MATCAP2: variants seen among roughly 807,000 people sequenced by gnomAD.
MATCAP2 encodes the protein putative tyrosine carboxypeptidase MATCAP2.
chr7:36,367,502 G>C, the MATCAP2 span, among the ~76,000 whole-genome samples: 1 of 152,168 alleles, frequency 6.6e-6, no homozygotes, highest in Admixed American at 6.5e-5. Context: ...GGTGCGCTGT[G>C]ACACTCGGCC....
the MATCAP2 span, chr7:36,356,841 G>A: frequency 7.5e-7 from 1 of 1,334,312 alleles, no homozygotes; most frequent in African/African-American, 1.4e-5. Context: ...TTGCTTATAA[G>A]ATCACAGATA....
At chr7:36,356,865 A>G in the MATCAP2 span, 4 of 1,500,618 alleles carry the variant, frequency 2.7e-6, no homozygotes, top group East Asian at 4.5e-5. Context: ...GTTTTAGTAC[A>G]TAAAAATGAA....
chr7:36,356,998 A>G, the MATCAP2 span: 1 of 1,614,162 alleles, frequency 6.2e-7, no homozygotes, highest in Non-Finnish European at 8.5e-7. Flanking sequence ...AGGTATAGTC[A>G]GATTTGAAGA....
At chr7:36,359,763 C>T in the MATCAP2 span, among the ~76,000 whole-genome samples, 1 of 152,168 alleles carries the variant, frequency 6.6e-6, no homozygotes, top group Non-Finnish European at 1.5e-5. Flanking sequence ...CATAGACTTA[C>T]GTGTTGCCAA....
the MATCAP2 span, chr7:36,335,165 A>G: frequency 6.2e-7 from 1 of 1,614,008 alleles, no homozygotes; most frequent in Non-Finnish European, 8.5e-7. Flanking sequence ...GTCCTCAGTG[A>G]GATGAACTAC....
chr7:36,349,811 T>C, the MATCAP2 span, among the ~76,000 whole-genome samples: 2 of 152,220 alleles, frequency 1.3e-5, no homozygotes, highest in Non-Finnish European at 2.9e-5. Flanking sequence ...CAACAAAGCC[T>C]TTCAATGAGT....
chr7:36,336,675 C>T, the MATCAP2 span, among the ~76,000 whole-genome samples: 11 of 151,560 alleles, frequency 7.3e-5, no homozygotes, highest in African/African-American at 9.7e-5. Flanking sequence ...TATGTCTCCA[C>T]GCAAGTAAAT....
chr7:36,352,396 TA>T, the MATCAP2 span, among the ~76,000 whole-genome samples: 15,048 of 106,086 alleles, frequency 0.14, 826 homozygotes, highest in East Asian at 0.2. Context: ...GACTCCATCT[TA>T]AAAAAAAAAA....
the MATCAP2 span, chr7:36,366,991 C>T: frequency 7.5e-7 from 1 of 1,324,810 alleles, no homozygotes; most frequent in Non-Finnish European, 9.6e-7. Flanking sequence ...GGGGAAAGGG[C>T]CGCGCAGGGG....
the MATCAP2 span, among the ~76,000 whole-genome samples, chr7:36,344,889 A>T: frequency 2.6e-5 from 4 of 152,192 alleles, no homozygotes; most frequent in Non-Finnish European, 4.4e-5. Context: ...CAACTCTAAG[A>T]ATAGCGACAT....
At chr7:36,361,277 G>T in the MATCAP2 span, among the ~76,000 whole-genome samples, 1 of 152,124 alleles carries the variant, frequency 6.6e-6, no homozygotes, top group Non-Finnish European at 1.5e-5. Context: ...TAAAAGAATG[G>T]GGGAAAAGGG....
the MATCAP2 span, among the ~76,000 whole-genome samples, chr7:36,338,358 C>T: frequency 9.2e-5 from 14 of 152,014 alleles, no homozygotes; most frequent in South Asian, 8.3e-4. Flanking sequence ...AGCACAGTAG[C>T]GCGATCATGG....
At chr7:36,367,301 T>A in the MATCAP2 span, 16 of 1,012,692 alleles carry the variant, frequency 1.6e-5, no homozygotes, top group Middle Eastern at 4.7e-4. Flanking sequence ...GGGGCGCTCG[T>A]GCGACGAAGG....
the MATCAP2 span, among the ~76,000 whole-genome samples, chr7:36,375,992 A>G: frequency 6.6e-6 from 1 of 151,866 alleles, no homozygotes; most frequent in East Asian, 1.9e-4. Flanking sequence ...CTTCTTTATT[A>G]GTCTTGCTAG....
the MATCAP2 span, among the ~76,000 whole-genome samples, chr7:36,366,472 T>A: frequency 5.8e-3 from 882 of 152,332 alleles, 2 homozygotes; most frequent in Non-Finnish European, 8.6e-3. Context: ...TCTCACTGTT[T>A]AAGAATAAAA....
At chr7:36,331,361 T>C in the MATCAP2 span, among the ~76,000 whole-genome samples, 2 of 152,170 alleles carry the variant, frequency 1.3e-5, no homozygotes, top group Non-Finnish European at 2.9e-5. Flanking sequence ...ACTGGTAATT[T>C]TAAATATATG....
chr7:36,378,380 CCT>C, the MATCAP2 span, among the ~76,000 whole-genome samples: 1 of 152,146 alleles, frequency 6.6e-6, no homozygotes, highest in Admixed American at 6.5e-5. Flanking sequence ...CACTGCAGAC[CCT>C]GTTTGCCTGG....
chr7:36,364,316 G>C, the MATCAP2 span, among the ~76,000 whole-genome samples: 1 of 152,048 alleles, frequency 6.6e-6, no homozygotes, highest in Non-Finnish European at 1.5e-5. Context: ...TTGAACTCCT[G>C]AGCTCAGGTA....
chr7:36,331,003 A>T, the MATCAP2 span: 1 of 1,612,686 alleles, frequency 6.2e-7, no homozygotes, highest in South Asian at 1.1e-5. Context: ...CAGTCAGCAG[A>T]TGGAAGTCTA....
Sources: gnomAD v4.1 joint callset for allele counts (sites outside exome capture counted in the v4.1 genomes callset) on GRCh38, gnomAD v4.1.1 for gene constraint, MANE v1.5 for transcripts, NCBI Gene and HGNC (gene_info 2026-07-23, HGNC 2026-07-21) for gene names.